The following CDH13 variants were observed in gnomAD, a reference collection of about 807,000 sequenced individuals.
CDH13 encodes cadherin 13, also known as cadherin-13.
A neutral mutation model predicts 63.8 loss-of-function variants in CDH13; 24 were observed. That is an observed-to-expected ratio of 0.38 (90% CI 0.27 to 0.53). CDH13 has a LOEUF of 0.53. Ranked by LOEUF, CDH13 falls within the 20% of genes least tolerant of loss-of-function variation. The pLI, the probability that CDH13 is intolerant of heterozygous loss-of-function variation, is 0.85. For synonymous variants in CDH13, 503 were observed against 355.3 expected, an observed-to-expected ratio of 1.42 and a Z score of -4.67; for missense variants, 1,049 against 903.1, an observed-to-expected ratio of 1.16 and a Z score of -2.07.
chr16:83,600,236 C>T lies in CDH13; in HGVS notation c.961-2218C>T, dbSNP rs1317891224. On this transcript the variant is annotated intron_variant, in intron 7 of 13. Transcript: ENST00000567109. ...GGGTACGGTGTCAATTCCACTTGTA[C>T]TCAGCAGTCAGAGAACCGTGTGACC... is the stretch of plus-strand genomic sequence containing the variant. Among the ~76,000 whole-genome samples the T allele has an allele frequency of 1.3e-5, 2 of 152,186 alleles. 1 individual carries two copies. The highest frequency in any genetic ancestry group is 1.3e-4 in the Admixed American group (2 of 15,270).
intron 8 of CDH13, among the ~76,000 whole-genome samples, chr16:83,618,614 G>A (rs1909515232): frequency 1.3e-5 from 2 of 152,048 alleles, no homozygotes. Context: ...TCATCCCCAA[G>A]ATTTATCATT....
At chr16:83,538,981 C>G (rs1212880279) in intron 7 of CDH13, among the ~76,000 whole-genome samples, 1 of 152,158 alleles carries the variant, frequency 6.6e-6, no homozygotes, top group African/African-American at 2.4e-5. Context: ...GTGGTCTATT[C>G]TGAGGACTTT....
At chr16:83,071,932 C>T (rs915172903) in intron 3 of CDH13, among the ~76,000 whole-genome samples, 2 of 152,104 alleles carry the variant, frequency 1.3e-5, no homozygotes, top group African/African-American at 4.8e-5. Context: ...GTCATCTAAT[C>T]ATCCATCTCT....
In CDH13 at chr16:83,366,488, C is replaced by G. The variant is rs533210146; in HGVS notation, c.781+21482C>G. 7.9e-4 allele frequency among the ~76,000 whole-genome samples: 121 copies of G among 152,302 alleles called. 1 individual carries two copies. The highest frequency in any genetic ancestry group is 2.7e-3 in the African/African-American group (111 of 41,562). ...TCGCTGCTTGCCACAATTCACCTCGCTTTCCCAGAGTAGACATCTTTCATA... is the reference window on the plus strand; with the variant it reads ...TCGCTGCTTGCCACAATTCACCTCGGTTTCCCAGAGTAGACATCTTTCATA... On this transcript the variant is annotated intron_variant, in intron 6 of 13. Transcript: ENST00000567109.
intron 1 of CDH13, chr16:82,719,519 G>A (rs1200905149): frequency 8.9e-6 from 4 of 448,584 alleles, no homozygotes; most frequent in African/African-American, 2.0e-5. Context: ...AGTGGAGCTG[G>A]GGCTCCTTCC....
At chr16:82,631,702 A>T (rs1365794867) in intron 1 of CDH13, among the ~76,000 whole-genome samples, 1 of 152,202 alleles carries the variant, frequency 6.6e-6, no homozygotes, top group African/African-American at 2.4e-5. Flanking sequence ...CTCCTGCAGT[A>T]GGCACTCAGC....
rs1020017180 is a variant in CDH13 at position 83,203,560 on chromosome 16, G to A, written c.484-13785G>A. Among the ~76,000 whole-genome samples, 3 of 147,860 alleles carry A rather than the reference G, an allele frequency of 2.0e-5. No homozygotes were observed. In the East Asian group the frequency reaches 6.1e-4, roughly 30 times the overall value. ...AAATTAGCCGGCTGTCGTGGTGGGTGCCTGTAGTCCCAGCTACTTGGGAGG... is the reference window on the plus strand; with the variant it reads ...AAATTAGCCGGCTGTCGTGGTGGGTACCTGTAGTCCCAGCTACTTGGGAGG... On this transcript the variant is annotated intron_variant, in intron 4 of 13. Transcript: ENST00000567109.
At chr16:83,194,253 C>T (rs560061327) in intron 4 of CDH13, among the ~76,000 whole-genome samples, 1 of 152,236 alleles carries the variant, frequency 6.6e-6, no homozygotes, top group African/African-American at 2.4e-5. Context: ...GGGGCCCCCT[C>T]TGGCCTGGGT....
At chr16:83,671,436 A>G (rs558708232) in intron 9 of CDH13, among the ~76,000 whole-genome samples, 62 of 152,156 alleles carry the variant, frequency 4.1e-4, no homozygotes, top group African/African-American at 1.3e-3. Flanking sequence ...TTTAGTAGAG[A>G]TGAGGTCTCA....
intron 2 of CDH13, among the ~76,000 whole-genome samples, chr16:82,975,010 C>G (rs912645172): frequency 6.6e-6 from 1 of 152,204 alleles, no homozygotes; most frequent in African/African-American, 2.4e-5. Flanking sequence ...GCCCACATTT[C>G]TGATAGCCGC....
rs532556532 is a variant in CDH13 at position 82,747,585 on chromosome 16, A to C, written c.46-110777A>C. Among the ~76,000 whole-genome samples the C allele has an allele frequency of 1.2e-4, 18 of 149,256 alleles. No individual in the cohort carries two copies. The Middle Eastern group carries it at 0.014, about 113-fold the overall frequency. ...CAGGTCCGAATCAGAAACTTTGGAG[A>C]ATGGCACTACTGTTTAACGAGACCT... On this transcript the variant is annotated intron_variant, in intron 1 of 13. Transcript: ENST00000567109.
At chr16:83,741,001 C>T (rs537090783) in intron 10 of CDH13, among the ~76,000 whole-genome samples, 22 of 152,300 alleles carry the variant, frequency 1.4e-4, no homozygotes, top group Non-Finnish European at 2.5e-4. Flanking sequence ...TCCTCTAGGG[C>T]CCTAGAGACC....
At chr16:83,772,981 G>T (rs536733518) in intron 11 of CDH13, 1 of 152,372 alleles carries the variant, frequency 6.6e-6, no homozygotes, top group African/African-American at 2.4e-5. Flanking sequence ...ATTTTTAAGA[G>T]CTGGGATGAG....
chr16:83,661,285 G>C (rs553791883), intron 8 of CDH13, among the ~76,000 whole-genome samples: 1 of 152,128 alleles, frequency 6.6e-6, no homozygotes, highest in Admixed American at 6.5e-5. Context: ...CCAGGCATTC[G>C]AGGCCAGCCT....
chr16:83,702,738 C>G (rs1372621588), intron 10 of CDH13, among the ~76,000 whole-genome samples: 1 of 152,128 alleles, frequency 6.6e-6, no homozygotes, highest in African/African-American at 2.4e-5. Flanking sequence ...CTGGTCACCT[C>G]CAGAGCTGAG....
At chr16:83,016,807 C>T (rs1291078061) in intron 2 of CDH13, among the ~76,000 whole-genome samples, 2 of 149,732 alleles carry the variant, frequency 1.3e-5, no homozygotes, top group African/African-American at 4.8e-5. Flanking sequence ...GTTTAAAATG[C>T]TTTTGGATCT....
chr16:83,078,052 C>T (rs1184721088), intron 3 of CDH13, among the ~76,000 whole-genome samples: 1 of 152,264 alleles, frequency 6.6e-6, no homozygotes, highest in Middle Eastern at 3.4e-3. Flanking sequence ...TAAAGTCAAA[C>T]TTGCATCCTC....
chr16:83,584,567 T>C (rs979590417), intron 7 of CDH13, among the ~76,000 whole-genome samples: 7 of 152,054 alleles, frequency 4.6e-5, no homozygotes, highest in African/African-American at 1.7e-4. Context: ...ATGTAGAGAA[T>C]TGCATTCTGG....
intron 7 of CDH13, among the ~76,000 whole-genome samples, chr16:83,487,790 G>C (rs914123556): frequency 2.8e-4 from 42 of 152,178 alleles, no homozygotes; most frequent in African/African-American, 9.7e-4. Flanking sequence ...TTCCCCCTCA[G>C]TGTTTTTGAT....
Sources: gnomAD v4.1 joint callset for allele counts (sites outside exome capture counted in the v4.1 genomes callset) on GRCh38, gnomAD v4.1.1 for gene constraint, MANE v1.5 for transcripts, NCBI Gene and HGNC (gene_info 2026-07-23, HGNC 2026-07-21) for gene names.